ASAP1: variants seen among roughly 807,000 people sequenced by gnomAD.
ASAP1 encodes ArfGAP with SH3 domain, ankyrin repeat and PH domain 1, also known as arf-GAP with SH3 domain, ANK repeat and PH domain-containing protein 1.
ASAP1 carries 43 observed loss-of-function variants against 145.2 expected under a neutral mutation model. The ratio of observed to expected loss-of-function variants is 0.30; its 90% CI spans 0.23 to 0.38. ASAP1 has a LOEUF of 0.38. Ranked by LOEUF, ASAP1 falls within the 10% of genes least tolerant of loss-of-function variation. ASAP1 has a pLI of 1.00. For missense variants in ASAP1, 1,018 were observed against 1,355.3 expected, an observed-to-expected ratio of 0.75 and a Z score of 3.91; for synonymous variants, 546 against 515.5, an observed-to-expected ratio of 1.06 and a Z score of -0.80.
chr8:130,368,107 C>T (rs769074400), intron 2 of ASAP1, among the ~76,000 whole-genome samples: 9 of 152,098 alleles, frequency 5.9e-5, no homozygotes, highest in Non-Finnish European at 8.8e-5. Flanking sequence ...GAGACAGCAT[C>T]CAGCTTCTGT....
intron 3 of ASAP1, among the ~76,000 whole-genome samples, chr8:130,272,636 T>G (rs1160939966): frequency 6.6e-6 from 1 of 152,242 alleles, no homozygotes; most frequent in Non-Finnish European, 1.5e-5. Context: ...AAAGAAGATG[T>G]AGTATATATA....
intron 3 of ASAP1, among the ~76,000 whole-genome samples, chr8:130,340,143 G>A (rs1233202059): frequency 6.6e-6 from 1 of 152,214 alleles, no homozygotes; most frequent in Non-Finnish European, 1.5e-5. Flanking sequence ...GGTTCTACGT[G>A]AAGAAAAGGC....
chr8:130,275,109 T>C (rs949895061), intron 3 of ASAP1, among the ~76,000 whole-genome samples: 35 of 152,186 alleles, frequency 2.3e-4, no homozygotes, highest in Non-Finnish European at 1.5e-5. Flanking sequence ...TAACCATCTC[T>C]AGATCTTAGA....
intron 1 of ASAP1, among the ~76,000 whole-genome samples, chr8:130,431,001 C>A (rs1439665887): frequency 1.3e-5 from 2 of 152,194 alleles, no homozygotes; most frequent in Non-Finnish European, 2.9e-5. Context: ...AAGCCAGGAA[C>A]TGACCACTCT....
chr8:130,184,975 T>C (rs1814619535), intron 7 of ASAP1, among the ~76,000 whole-genome samples: 1 of 152,198 alleles, frequency 6.6e-6, no homozygotes, highest in Admixed American at 6.5e-5. Context: ...GTGATCTAAA[T>C]CATTACAAAC....
chr8:130,236,799 T>C, intron 4 of ASAP1, 123 bp downstream of exon 4: 2 of 660,114 alleles, frequency 3.0e-6, no homozygotes, highest in Non-Finnish European at 4.8e-6. Flanking sequence ...AGAAATTTCT[T>C]TTACCTACTT....
At chr8:130,375,173 G>A (rs971541504) in intron 2 of ASAP1, among the ~76,000 whole-genome samples, 1 of 152,194 alleles carries the variant, frequency 6.6e-6, no homozygotes, top group Admixed American at 6.5e-5. Context: ...CTAGGCCAGT[G>A]TCAGGGATGG....
intron 3 of ASAP1, among the ~76,000 whole-genome samples, chr8:130,259,733 G>A (rs1479485704): frequency 6.6e-6 from 1 of 152,196 alleles, no homozygotes; most frequent in Non-Finnish European, 1.5e-5. Flanking sequence ...AGGAAGGGGC[G>A]ACAGTGTGTG....
At chr8:130,070,914 GGGGA>G (rs1564925601) in intron 27 of ASAP1, among the ~76,000 whole-genome samples, 1 of 6,452 alleles carries the variant, frequency 1.5e-4, no homozygotes, top group African/African-American at 9.1e-4. Flanking sequence ...GGAGAGAGAG[GGGGA>G]GAGAGAGGGG....
intron 3 of ASAP1, among the ~76,000 whole-genome samples, chr8:130,241,250 C>A (rs1442988764): frequency 6.6e-6 from 1 of 152,080 alleles, no homozygotes; most frequent in Non-Finnish European, 1.5e-5. Flanking sequence ...TAAGGATACC[C>A]TACAGCAGTG....
At chr8:130,369,628 A>G (rs1827120047) in intron 2 of ASAP1, among the ~76,000 whole-genome samples, 1 of 152,234 alleles carries the variant, frequency 6.6e-6, no homozygotes, top group Non-Finnish European at 1.5e-5. Flanking sequence ...GATGCTGAAC[A>G]TCACTAAACA....
intron 2 of ASAP1, among the ~76,000 whole-genome samples, chr8:130,395,567 C>T (rs909628384): frequency 3.3e-5 from 5 of 152,132 alleles, no homozygotes; most frequent in South Asian, 2.1e-4. Flanking sequence ...CCAGACACTA[C>T]GAAGAGGCAA....
intron 2 of ASAP1, among the ~76,000 whole-genome samples, chr8:130,362,391 T>C (rs1482946361): frequency 6.6e-6 from 1 of 152,226 alleles, no homozygotes; most frequent in African/African-American, 2.4e-5. Flanking sequence ...GAACACACTT[T>C]TTATTACATG....
At chr8:130,395,207 G>C (rs1828470422) in intron 2 of ASAP1, among the ~76,000 whole-genome samples, 1 of 152,182 alleles carries the variant, frequency 6.6e-6, no homozygotes. Flanking sequence ...TAGATGCTGA[G>C]ATAAAGTGGA....
At chr8:130,306,340 T>C (rs1282430396) in intron 3 of ASAP1, among the ~76,000 whole-genome samples, 1 of 152,230 alleles carries the variant, frequency 6.6e-6, no homozygotes, top group East Asian at 1.9e-4. Flanking sequence ...TCACTGTAAA[T>C]GCACATAAGT....
At chr8:130,439,100 A>C (rs555319384) in intron 1 of ASAP1, among the ~76,000 whole-genome samples, 1 of 152,334 alleles carries the variant, frequency 6.6e-6, no homozygotes, top group Admixed American at 6.5e-5. Context: ...GGGTCCTTCA[A>C]GGTGGAAGAA....
chr8:130,211,168 A>C (rs968304120), intron 5 of ASAP1, among the ~76,000 whole-genome samples: 4 of 152,198 alleles, frequency 2.6e-5, no homozygotes, highest in African/African-American at 9.7e-5. Flanking sequence ...TTATAGGAAC[A>C]ATTTTCTATA....
At chr8:130,289,778 G>GA (rs1821840298) in intron 3 of ASAP1, among the ~76,000 whole-genome samples, 1 of 152,148 alleles carries the variant, frequency 6.6e-6, no homozygotes, top group Non-Finnish European at 1.5e-5. Context: ...TACTTTTGTA[G>GA]ATTTCAGAAA....
chr8:130,113,453 C>T (rs1245428701), intron 23 of ASAP1, among the ~76,000 whole-genome samples: 1 of 152,178 alleles, frequency 6.6e-6, no homozygotes, highest in African/African-American at 2.4e-5. Flanking sequence ...CTGAATAGCT[C>T]TCAGGAATTT....
Sources: allele counts gnomAD v4.1 joint callset (sites outside exome capture counted in the v4.1 genomes callset), GRCh38; gene constraint gnomAD v4.1.1; transcripts MANE v1.5; gene names NCBI Gene and HGNC (gene_info 2026-07-23, HGNC 2026-07-21).